BEND3: variants seen among roughly 807,000 people sequenced by gnomAD.
The protein encoded by BEND3 is BEN domain-containing protein 3.
Under a neutral mutation model 60.1 loss-of-function variants are expected in BEND3, and 13 were observed. The ratio of observed to expected loss-of-function variants is 0.22; its 90% confidence interval spans 0.14 to 0.34. The LOEUF (loss-of-function observed/expected upper bound fraction) is 0.34, where lower values mean the gene tolerates loss of function less well. BEND3 is among the 10% of genes least tolerant of loss of function. BEND3 has a pLI of 1.00. For synonymous variants in BEND3, 497 were observed against 491.5 expected (o/e 1.01, Z -0.15); for missense variants, 896 against 1,138.1 (o/e 0.79, Z 3.06).
At chr6:107,105,098 C>T (rs1161134276) in intron 1 of BEND3, among the ~76,000 whole-genome samples, 5 of 152,096 alleles carry the variant, frequency 3.3e-5, no homozygotes, top group East Asian at 1.9e-4. Flanking sequence ...GTTGGCTGGG[C>T]GCAGTGGCTC....
chr6:107,111,908 G>A (rs2115042194), intron 1 of BEND3, among the ~76,000 whole-genome samples: 1 of 151,464 alleles, frequency 6.6e-6, no homozygotes, highest in African/African-American at 2.4e-5. Context: ...CTTGAACCCA[G>A]GAGATGGATG....
At chr6:107,114,695 G>A (rs1554239023) in intron 1 of BEND3, among the ~76,000 whole-genome samples, 1 of 147,100 alleles carries the variant, frequency 6.8e-6, no homozygotes, top group Non-Finnish European at 1.5e-5. Flanking sequence ...CCATCGCGGC[G>A]CCCGGCGGGG....
chr6:107,094,390 G>T (rs1562311060), intron 3 of BEND3, among the ~76,000 whole-genome samples: 1 of 151,978 alleles, frequency 6.6e-6, no homozygotes, highest in Non-Finnish European at 1.5e-5. Flanking sequence ...TGGAGGCTGA[G>T]GGGGGTGGAT....
intron 3 of BEND3, among the ~76,000 whole-genome samples, chr6:107,074,441 T>C (rs960878755): frequency 7.2e-5 from 11 of 152,088 alleles, no homozygotes; most frequent in Non-Finnish European, 1.2e-4. Flanking sequence ...AAATTTATTA[T>C]TACAATATGA....
chr6:107,083,898 G>A (rs1775284065), intron 3 of BEND3, among the ~76,000 whole-genome samples: 1 of 152,122 alleles, frequency 6.6e-6, no homozygotes. Context: ...GACCAGACTT[G>A]GCAACACAGC....
intron 3 of BEND3, among the ~76,000 whole-genome samples, chr6:107,074,399 A>G (rs1201082150): frequency 6.6e-6 from 1 of 152,232 alleles, no homozygotes; most frequent in Non-Finnish European, 1.5e-5. Context: ...TGGGCAACAG[A>G]GTGAGACTCT....
At chr6:107,110,352 C>T (rs1775914550) in intron 1 of BEND3, among the ~76,000 whole-genome samples, 1 of 152,182 alleles carries the variant, frequency 6.6e-6, no homozygotes, top group Non-Finnish European at 1.5e-5. Flanking sequence ...GCATGGAGAG[C>T]TCTTAGTTTG....
At chr6:107,084,888 G>A (rs1200013939) in intron 3 of BEND3, among the ~76,000 whole-genome samples, 3 of 152,212 alleles carry the variant, frequency 2.0e-5, no homozygotes, top group African/African-American at 4.8e-5. Context: ...GCCAAATAAG[G>A]GAATAAAAGC....
Position 107,098,563 on chromosome 6 carries a change from C to T in BEND3, c.228G>A (p.Arg76=). 1.9e-6 allele frequency: 3 copies of T among 1,612,690 alleles called. No individual in the cohort carries two copies. Among genetic ancestry groups the T allele is most frequent in the Non-Finnish European group, 1.7e-6 (2 of 1,180,024 alleles). Residue 76 remains arginine, a synonymous_variant, in exon 3 of 4, where the codon CGG becomes CGA. Coordinates refer to ENST00000369042, the MANE Select transcript of BEND3 (RefSeq NM_001367314.1). ...LDSVPGVKRR[R]LIPEALLAGM... The stretch of plus-strand genomic sequence containing the variant: ...GCTAGGCCCTCACCTCGGGGATCAG[C>T]CGCCTCCTCTTCACGCCGGGGACAG...
chr6:107,071,105 C>T (rs1774970687), intron 3 of BEND3, among the ~76,000 whole-genome samples, 155 bp from the exon 4 acceptor site: 1 of 152,210 alleles, frequency 6.6e-6, no homozygotes, highest in East Asian at 1.9e-4. Context: ...TCCAAGGATG[C>T]ACCACTGATA....
At position 107,069,655 on chromosome 6, in the gene BEND3, C is replaced by T; in HGVS notation, c.1536G>A (p.Lys512=). ...SSLPDDISVV[K]VEDSFEGERP... ...GCTCGCCCTCGAAGCTGTCCTCCAC[C>T]TTGACCACTGAGATGTCGTCGGGCA... is the stretch of plus-strand genomic sequence containing the variant. The change falls in exon 4 of 4, where the codon AAG becomes AAA. Residue 512 remains lysine (K), a synonymous_variant. Coordinates refer to ENST00000369042, the MANE Select transcript of BEND3 (RefSeq NM_001367314.1). 2 of 1,610,136 alleles carry T rather than the reference C, an allele frequency of 1.2e-6. No homozygotes were observed. The highest frequency in any genetic ancestry group is 2.2e-5 in the South Asian group (2 of 91,088).
chr6:107,098,541 A>T lies in BEND3; in HGVS notation c.240+10T>A, dbSNP rs1554236312. 1.2e-6 allele frequency: 2 copies of T among 1,610,844 alleles called. No homozygotes were observed. The highest frequency in any genetic ancestry group is 2.7e-5 in the African/African-American group (2 of 75,004). ...GCCCAAGCAAAGAGTGACAGCAGCT[A>T]GGCCCTCACCTCGGGGATCAGCCGC... On this transcript the variant is annotated intron_variant, in intron 3 of 3. Coordinates refer to ENST00000369042, the MANE Select transcript of BEND3 (RefSeq NM_001367314.1).
chr6:107,077,719 G>A (rs1292796625), intron 3 of BEND3, among the ~76,000 whole-genome samples: 4 of 152,076 alleles, frequency 2.6e-5, no homozygotes, highest in East Asian at 1.9e-4. Context: ...TGCCCAGTTC[G>A]GAATCACGCA....
intron 3 of BEND3, among the ~76,000 whole-genome samples, chr6:107,084,930 C>T (rs782560973): frequency 4.6e-5 from 7 of 152,230 alleles, no homozygotes; most frequent in Non-Finnish European, 8.8e-5. Context: ...GCAACCCATT[C>T]GGGTCCCCTT....
In BEND3 at chr6:107,089,622, T is replaced by A. The variant is rs186169457; in HGVS notation, c.240+8929A>T. ...AGGATTTTTTTTTTTCGAGACAGAGTCTCGCTCTGTCACCCAGGCTAAAGC... is the reference window on the plus strand; with the variant it reads ...AGGATTTTTTTTTTTCGAGACAGAGACTCGCTCTGTCACCCAGGCTAAAGC... On this transcript the variant is annotated intron_variant, in intron 3 of 3. Transcript: ENST00000369042. Among the ~76,000 whole-genome samples, 150 of 120,002 alleles carry A rather than the reference T, an allele frequency of 1.2e-3. 1 individual carries two copies. The East Asian group carries it at 0.034, about 27-fold the overall frequency. The allele number at this position is 120,002 out of a possible 152,430, so 78.7% of individuals were successfully genotyped here. A position where few individuals can be genotyped will look rare whatever the true frequency, so the allele number is the denominator to read the frequency against.
chr6:107,109,234 G>T (rs1048042153), intron 1 of BEND3, among the ~76,000 whole-genome samples: 2 of 151,452 alleles, frequency 1.3e-5, no homozygotes, highest in East Asian at 2.0e-4. Flanking sequence ...AAGATCACCT[G>T]AGGTTGAGAG....
chr6:107,112,824 GC>G (rs1770140974), intron 1 of BEND3, among the ~76,000 whole-genome samples: 1 of 148,118 alleles, frequency 6.8e-6, no homozygotes, highest in South Asian at 2.1e-4. Context: ...TTGCAATCCA[GC>G]CTGGGCAACA....
chr6:107,101,570 C>T (rs140192190), intron 1 of BEND3, among the ~76,000 whole-genome samples: 43 of 152,320 alleles, frequency 2.8e-4, no homozygotes, highest in African/African-American at 1.0e-3. Flanking sequence ...ACCAAGCCAT[C>T]TCCTACCTGA....
At chr6:107,101,460 A>C (rs1775700669) in intron 1 of BEND3, among the ~76,000 whole-genome samples, 1 of 152,190 alleles carries the variant, frequency 6.6e-6, no homozygotes, top group Admixed American at 6.5e-5. Context: ...AACAGTGCAC[A>C]ATAGTGCAAG....
Sources: gnomAD v4.1 joint callset for allele counts (sites outside exome capture counted in the v4.1 genomes callset) on GRCh38, gnomAD v4.1.1 for gene constraint, MANE v1.5 for transcripts, NCBI Gene and HGNC (gene_info 2026-07-23, HGNC 2026-07-21) for gene names.